MANBA: variants seen among roughly 807,000 people sequenced by gnomAD.
MANBA encodes the protein beta-mannosidase.
In MANBA, 83 loss-of-function variants were observed where a neutral mutation model predicts 111.1. That is an observed-to-expected ratio of 0.75 (90% confidence interval 0.63 to 0.90). The LOEUF (loss-of-function observed/expected upper bound fraction) is 0.90. MANBA is among the 40% of genes least tolerant of loss of function. MANBA has a pLI of 0.00. For missense variants in MANBA, 1,036 were observed against 1,069.0 expected, an observed-to-expected ratio of 0.97 and a Z score of 0.43; for synonymous variants, 370 against 378.7, an observed-to-expected ratio of 0.98 and a Z score of 0.27.
intron 5 of MANBA, among the ~76,000 whole-genome samples, chr4:102,709,338 G>T: frequency 7.1e-6 from 1 of 140,142 alleles, no homozygotes; most frequent in Admixed American, 7.4e-5. Flanking sequence ...AAGAAAGGAA[G>T]GAAGGAAGGA....
At chr4:102,706,463 C>T (rs1310182564) in intron 5 of MANBA, among the ~76,000 whole-genome samples, 3 of 152,102 alleles carry the variant, frequency 2.0e-5, no homozygotes, top group Non-Finnish European at 2.9e-5. Context: ...AAAATTCCTC[C>T]CCTATAAAAG....
At chr4:102,638,731 C>A (rs964903417) in intron 14 of MANBA, among the ~76,000 whole-genome samples, 11 of 152,158 alleles carry the variant, frequency 7.2e-5, no homozygotes, top group Non-Finnish European at 1.2e-4. Flanking sequence ...GCTCTCTTAT[C>A]TGGTTGGTGC....
At chr4:102,677,378 G>T (rs1229605950) in intron 7 of MANBA, among the ~76,000 whole-genome samples, 2 of 152,144 alleles carry the variant, frequency 1.3e-5, no homozygotes, top group Non-Finnish European at 2.9e-5. Flanking sequence ...CTTTTTAGAT[G>T]ACATCAGTGG....
At chr4:102,699,801 A>G (rs1732927893) in intron 5 of MANBA, among the ~76,000 whole-genome samples, 1 of 150,572 alleles carries the variant, frequency 6.6e-6, no homozygotes, top group South Asian at 2.1e-4. Flanking sequence ...TTCATGAAGG[A>G]TATGGGTCTA....
chr4:102,680,395 C>G (rs555761147), intron 7 of MANBA, among the ~76,000 whole-genome samples: 1 of 152,150 alleles, frequency 6.6e-6, no homozygotes, highest in Non-Finnish European at 1.5e-5. Flanking sequence ...AATGTCTGAG[C>G]TGATTCACGT....
At chr4:102,674,408 T>C (rs1295050071) in intron 7 of MANBA, among the ~76,000 whole-genome samples, 1 of 152,102 alleles carries the variant, frequency 6.6e-6, no homozygotes, top group African/African-American at 2.4e-5. Flanking sequence ...TTCAAAAAAA[T>C]AGAAAAAAAT....
At chr4:102,704,505 A>G (rs1250200896) in intron 5 of MANBA, among the ~76,000 whole-genome samples, 1 of 152,120 alleles carries the variant, frequency 6.6e-6, no homozygotes, top group Non-Finnish European at 1.5e-5. Context: ...TTCACACTTA[A>G]ATTTTAAAAA....
chr4:102,732,377 C>T (rs1409073531), intron 1 of MANBA, among the ~76,000 whole-genome samples: 7 of 152,316 alleles, frequency 4.6e-5, no homozygotes, highest in Non-Finnish European at 1.0e-4. Flanking sequence ...AAGTTATTTC[C>T]TTAGGGACCG....
At chr4:102,753,212 G>T (rs1003465197) in intron 1 of MANBA, among the ~76,000 whole-genome samples, 2 of 151,974 alleles carry the variant, frequency 1.3e-5, no homozygotes, top group African/African-American at 4.8e-5. Context: ...CACCTTAGGG[G>T]ATGATTTCAT....
intron 11 of MANBA, among the ~76,000 whole-genome samples, chr4:102,664,065 A>G (rs920353568): frequency 6.6e-6 from 1 of 152,226 alleles, no homozygotes; most frequent in Non-Finnish European, 1.5e-5. Context: ...TAGAAGTGGC[A>G]TATCAATAAT....
At chr4:102,685,142 G>C (rs958873268) in intron 7 of MANBA, among the ~76,000 whole-genome samples, 1 of 152,138 alleles carries the variant, frequency 6.6e-6, no homozygotes, top group Non-Finnish European at 1.5e-5. Flanking sequence ...GTCATTACTG[G>C]GGAGGCTCGC....
At chr4:102,714,636 T>TA (rs1358584206) in intron 4 of MANBA, 75 bp from the exon 5 acceptor site, 1 of 1,423,114 alleles carries the variant, frequency 7.0e-7, no homozygotes, top group Non-Finnish European at 9.8e-7. Context: ...ACATTTTCTT[T>TA]AAAAATGTTA....
chr4:102,715,416 T>C (rs993073524), intron 4 of MANBA, among the ~76,000 whole-genome samples: 1 of 152,218 alleles, frequency 6.6e-6, no homozygotes, highest in Admixed American at 6.5e-5. Context: ...CTCAGATTCC[T>C]AACTAACAGA....
intron 1 of MANBA, chr4:102,752,251 G>A: frequency 1.8e-6 from 2 of 1,134,004 alleles, no homozygotes; most frequent in African/African-American, 3.0e-5. Context: ...ACAGTCTGAA[G>A]GCAAGCTTTG....
At chr4:102,683,870 C>T (rs1434809857) in intron 7 of MANBA, among the ~76,000 whole-genome samples, 1 of 151,870 alleles carries the variant, frequency 6.6e-6, no homozygotes, top group Non-Finnish European at 1.5e-5. Flanking sequence ...CCTATATTAC[C>T]TCCCTTCTTG....
At chr4:102,636,114 A>C (rs1273736711) in intron 14 of MANBA, 107 bp from the exon 15 acceptor site, 3 of 985,142 alleles carry the variant, frequency 3.0e-6, no homozygotes, top group Non-Finnish European at 4.8e-6. Flanking sequence ...GGGAGTGAGC[A>C]TGTGAGGGAG....
intron 1 of MANBA, chr4:102,729,858 A>G: frequency 6.8e-7 from 1 of 1,479,346 alleles, no homozygotes; most frequent in Non-Finnish European, 9.4e-7. Flanking sequence ...CTTGTCTATG[A>G]AGGAGGCAAA....
intron 5 of MANBA, among the ~76,000 whole-genome samples, chr4:102,713,942 C>T (rs1350163573): frequency 2.0e-5 from 3 of 151,726 alleles, no homozygotes; most frequent in African/African-American, 7.3e-5. Flanking sequence ...TTTCTTTTGC[C>T]CTGTTTACCT....
chr4:102,729,314 C>T (rs1224276248), intron 1 of MANBA: 3 of 754,158 alleles, frequency 4.0e-6, no homozygotes, highest in Non-Finnish European at 7.4e-6. Flanking sequence ...TGCAGCTCCT[C>T]ATCCTTGATC....
Sources: allele counts gnomAD v4.1 joint callset (sites outside exome capture counted in the v4.1 genomes callset), GRCh38; gene constraint gnomAD v4.1.1; transcripts MANE v1.5; gene names NCBI Gene and HGNC (gene_info 2026-07-23, HGNC 2026-07-21).